FRMD7: variants seen among roughly 807,000 people sequenced by gnomAD.
The protein encoded by FRMD7 is FERM domain containing 7.
In FRMD7, 14 loss-of-function variants were observed where a neutral mutation model predicts 44.1. The ratio of observed to expected loss-of-function variants is 0.32; its 90% CI spans 0.21 to 0.50. The LOEUF (loss-of-function observed/expected upper bound fraction) is 0.50. Ranked by LOEUF, FRMD7 falls within the 20% of genes least tolerant of loss-of-function variation. FRMD7 has a pLI of 0.99. For missense variants in FRMD7, 501 were observed against 522.3 expected (o/e 0.96, Z 0.40); for synonymous variants, 212 against 187.4 (o/e 1.13, Z -1.07).
chrX:132,087,797 CT>C (rs1928039960), intron 5 of FRMD7, among the ~76,000 whole-genome samples: 1 of 111,315 alleles, frequency 9.0e-6, no homozygotes, highest in Admixed American at 9.6e-5. Flanking sequence ...GGCAAAAATT[CT>C]GAACAAAACA....
At chrX:132,094,721 G>T (rs371171918) in intron 4 of FRMD7, among the ~76,000 whole-genome samples, 2 of 112,033 alleles carry the variant, frequency 1.8e-5, no homozygotes, top group East Asian at 2.8e-4. Flanking sequence ...CTGTGTTTTA[G>T]AAATGAAGAA....
In FRMD7 at chrX:132,078,709, A is replaced by G; in HGVS notation, c.1308T>C (p.Ile436=). ...AGCTTAGAGAACTCCTCTCTGAAAA[A>G]ATGTCTCTGGGATCAGGGTTAGGAT... ...EPNPNPDPRD[I]FSERSSLSSF... is the part of the protein sequence containing the mutation. Residue 436 remains isoleucine, a synonymous_variant, in exon 12 of 12, where the codon ATT becomes ATC. Coordinates refer to ENST00000298542, the MANE Select transcript of FRMD7 (RefSeq NM_194277.3). 8.3e-7 allele frequency: 1 copy of G among 1,211,335 alleles called. No individual in the cohort carries two copies. Among genetic ancestry groups the G allele is most frequent in the South Asian group, 1.8e-5 (1 of 56,958 alleles).
Position 132,085,908 on chromosome X carries a change from G to C in FRMD7, c.497+12C>G, listed in dbSNP as rs756308339. The C allele has an allele frequency of 3.5e-6, 4 of 1,134,018 alleles. No homozygotes were observed. In the Admixed American group the frequency reaches 6.5e-5, roughly 19 times the overall value. The allele number at this position is 1,134,018 out of a possible 1,213,427, so 93.5% of individuals were successfully genotyped here. ...CTACTGGGGGAAGCAGGTGCCAGCT[G>C]AAAGTACTTACATGTGCTTCTGATG... is the stretch of plus-strand genomic sequence containing the variant. On this transcript the variant is annotated intron_variant, in intron 6 of 11. Coordinates refer to ENST00000298542, the MANE Select transcript of FRMD7 (RefSeq NM_194277.3).
At chrX:132,094,239 GC>G in intron 4 of FRMD7, 100 bp from the exon 5 acceptor site, 2 of 576,938 alleles carry the variant, frequency 3.5e-6, no homozygotes, top group South Asian at 2.4e-5. Context: ...AAGGAATGGT[GC>G]CCCCAGTCAG....
chrX:132,095,794 A>G (rs750531569), intron 4 of FRMD7, among the ~76,000 whole-genome samples: 1 of 112,777 alleles, frequency 8.9e-6, no homozygotes, highest in East Asian at 2.8e-4. Context: ...AATGAAGCCT[A>G]ACCTTTGTCA....
rs1162167133 is a variant in FRMD7 at position 132,096,830 on chromosome X, AT to A, written c.284+435del. Among the ~76,000 whole-genome samples the A allele has an allele frequency of 2.7e-5, 3 of 111,169 alleles. No homozygotes were observed. The East Asian group carries it at 8.4e-4, about 31-fold the overall frequency. ...GGTTTACTTTGTAATTCTGAAGGAC[AT>A]TTTTTCATAAGTATTTATCATCATT... On this transcript the variant is annotated intron_variant, in intron 4 of 11. Coordinates refer to ENST00000298542, the MANE Select transcript of FRMD7 (RefSeq NM_194277.3).
At position 132,078,916 on chromosome X, in the gene FRMD7, A is replaced by G. The variant is rs7051368; in HGVS notation, c.1101T>C (p.Asn367=). 107,175 of 1,205,850 alleles carry G rather than the reference A, an allele frequency of 0.089. 3,561 individuals carry two copies. Among genetic ancestry groups the G allele is most frequent in the Middle Eastern group, 0.11 (480 of 4,333 alleles). ...GCACTGGCTCAGATGCGTGCACTCC[A>G]TTCACATTTTGGTAGTAGCCACCAC... ...AYGGGYYQNV[N]GVHASEPVLE... Residue 367 remains asparagine (N), a synonymous_variant, in exon 12 of 12, where the codon AAT becomes AAC. Transcript: ENST00000298542.
chrX:132,112,985 T>C (rs1278392888), intron 1 of FRMD7, among the ~76,000 whole-genome samples: 1 of 111,245 alleles, frequency 9.0e-6, no homozygotes, highest in African/African-American at 3.3e-5. Context: ...GCGTTAACCT[T>C]CACACTAAGG....
chrX:132,127,981 A>C lies in FRMD7; in HGVS notation c.-137T>G. On this transcript the variant is annotated 5_prime_UTR_variant, in exon 1 of 12. Coordinates refer to ENST00000298542, the MANE Select transcript of FRMD7 (RefSeq NM_194277.3). ...GGCATTCCCACTGTCAGCGGGGCAC[A>C]CTTCCGTTTGCTTGAAGTAATGCAC... is the stretch of plus-strand genomic sequence containing the variant. 3 of 552,571 alleles carry C rather than the reference A, an allele frequency of 5.4e-6. No homozygotes were observed. The highest frequency in any genetic ancestry group is 9.7e-6 in the Non-Finnish European group (3 of 308,728). 45.5% of individuals were successfully genotyped at this position (552,571 alleles called of 1,213,427 possible). A position where few individuals can be genotyped will look rare whatever the true frequency, so the allele number is the denominator to read the frequency against.
rs758369717 is a variant in FRMD7, at chrX:132,085,742, G to T, written c.498-14C>A. On this transcript the variant is annotated splice_polypyrimidine_tract_variant and intron_variant, in intron 6 of 11. Coordinates refer to ENST00000298542, the MANE Select transcript of FRMD7 (RefSeq NM_194277.3). ...GGGCTCCTGCCACTGAAAGGGGAAA[G>T]AATTTATGAGCCTAATAAATGCCTC... is the stretch of plus-strand genomic sequence containing the variant. The T allele has an allele frequency of 1.7e-6, 2 of 1,201,524 alleles. No individual in the cohort carries two copies. The highest frequency in any genetic ancestry group is 2.3e-6 in the Non-Finnish European group (2 of 886,262).
intron 1 of FRMD7, among the ~76,000 whole-genome samples, chrX:132,109,420 G>A (rs151197914): frequency 9.0e-6 from 1 of 111,409 alleles, no homozygotes; most frequent in Non-Finnish European, 1.9e-5. Context: ...CCAAACTCTG[G>A]GCTTAATTTT....
Position 132,081,905 on chromosome X carries a change from C to T in FRMD7, c.905+458G>A, listed in dbSNP as rs142723032. ...CTCGAAAGACAAGATCTTAACCCAA[C>T]CTTGCTTCAATTCCTCCAAAGTGTG... On this transcript the variant is annotated intron_variant, in intron 9 of 11. Transcript: ENST00000298542. Among the ~76,000 whole-genome samples the T allele has an allele frequency of 1.5e-3, 173 of 112,013 alleles. 2 individuals carry two copies. The highest frequency in any genetic ancestry group is 5.2e-3 in the African/African-American group (161 of 30,860).
At chrX:132,091,892 A>G (rs1223155750) in intron 5 of FRMD7, among the ~76,000 whole-genome samples, 1 of 111,800 alleles carries the variant, frequency 8.9e-6, no homozygotes, top group East Asian at 2.8e-4. Context: ...AAAGAATAAA[A>G]TTTAAAAATA....
At chrX:132,093,710 G>A (rs1928248438) in intron 5 of FRMD7, among the ~76,000 whole-genome samples, 2 of 112,561 alleles carry the variant, frequency 1.8e-5, no homozygotes, top group Non-Finnish European at 3.8e-5. Flanking sequence ...GTAAGCAGAG[G>A]GAGTGGGGAC....
At chrX:132,110,908 C>T (rs192491377) in intron 1 of FRMD7, among the ~76,000 whole-genome samples, 8 of 112,654 alleles carry the variant, frequency 7.1e-5, no homozygotes, top group African/African-American at 2.3e-4. Flanking sequence ...ACCTGGGCCA[C>T]GCACAGTGGC....
chrX:132,099,473 A>G lies in FRMD7; in HGVS notation c.200T>C (p.Val67Ala). 1 of 1,199,169 alleles carries G rather than the reference A, an allele frequency of 8.3e-7. No individual in the cohort carries two copies. Among genetic ancestry groups the G allele is most frequent in the African/African-American group, 1.7e-5 (1 of 57,380 alleles). Residue 67 changes from valine (V) to alanine (A), a missense_variant, in exon 3 of 12, where the codon GTA becomes GCA. This residue lies in a region of FRMD7 where 24 missense variants were observed against 48.0 expected (regional missense o/e 0.50). Transcript: ENST00000298542. ...AAATGATTTTCCATACTTACTTTTT[A>G]CCTGCTTTGTTATGGGCTTCAAAAG... ...LELLKPITKQVKNPKEIVFKF... is the reference protein window; with the variant it reads ...LELLKPITKQAKNPKEIVFKF...
intron 1 of FRMD7, among the ~76,000 whole-genome samples, chrX:132,103,774 G>A (rs1167427348): frequency 6.2e-5 from 7 of 112,095 alleles, no homozygotes; most frequent in South Asian, 3.7e-4. Context: ...CTAGCTGGAC[G>A]AATTGGGGCA....
At position 132,100,617 on chromosome X, in the gene FRMD7, T is replaced by C. The variant is rs946251964; in HGVS notation, c.157A>G (p.Asn53Asp). Reference sequence around the variant, plus strand: ...CTATAATGAAACCAACTTACATTATTTCCAGAATGGCTGCAGAATTCTAAT... The same window carrying C: ...CTATAATGAAACCAACTTACATTATCTCCAGAATGGCTGCAGAATTCTAAT... Reference protein sequence around the residue: ...FGLEFCSHSGNNVWLELLKPI... With the variant: ...FGLEFCSHSGDNVWLELLKPI... Residue 53 changes from asparagine (N) to aspartate (D), a missense_variant, in exon 2 of 12, where the codon AAT (asparagine) becomes GAT (aspartate). Around this residue, in one of 3 missense-constraint regions of FRMD7, gnomAD observed 24 missense variants for 48.0 expected, o/e 0.50. Coordinates refer to ENST00000298542, the MANE Select transcript of FRMD7 (RefSeq NM_194277.3). 8 of 1,180,387 alleles carry C rather than the reference T, an allele frequency of 6.8e-6. No individual in the cohort carries two copies. The highest frequency in any genetic ancestry group is 8.1e-6 in the Non-Finnish European group (7 of 867,674).
intron 1 of FRMD7, among the ~76,000 whole-genome samples, chrX:132,125,282 C>T (rs776754991): frequency 8.8e-4 from 98 of 111,830 alleles, no homozygotes; most frequent in Non-Finnish European, 1.7e-3. Flanking sequence ...CTCCAGGTGA[C>T]ATTATTTTAT....
Sources: gnomAD v4.1 joint callset for allele counts (sites outside exome capture counted in the v4.1 genomes callset) on GRCh38, gnomAD v4.1.1 for gene constraint, gnomAD v4.1.1 regional missense constraint, MANE v1.5 for transcripts, NCBI Gene and HGNC (gene_info 2026-07-23, HGNC 2026-07-21) for gene names.